Variants in OIT3 observed in about 807,000 individuals in gnomAD.
The protein encoded by OIT3 is oncoprotein induced transcript 3, also known as oncoprotein-induced transcript 3 protein.
Under a neutral mutation model 52.2 loss-of-function variants are expected in OIT3, and 41 were observed. The ratio of observed to expected loss-of-function variants is 0.79; its 90% confidence interval spans 0.61 to 1.02. The LOEUF (loss-of-function observed/expected upper bound fraction) is 1.02, where lower values mean the gene tolerates loss of function less well. OIT3 is among the 50% of genes least tolerant of loss of function. The pLI is 0.00. For synonymous variants in OIT3, 244 were observed against 276.9 expected, an observed-to-expected ratio of 0.88 and a Z score of 1.18; for missense variants, 634 against 715.5, an observed-to-expected ratio of 0.89 and a Z score of 1.30.
chr10:72,913,405 A>T lies in OIT3; in HGVS notation c.888A>T (p.Gly296=). Residue 296 remains glycine (G), a synonymous_variant, in exon 6 of 9, where the codon GGA becomes GGT. Transcript: ENST00000334011. The part of the protein sequence containing the change: ...ELFLTNTSCR[G]VSNGTHVNIL... The stretch of plus-strand genomic sequence containing the variant: ...TCCTGACCAACACCTCCTGCCGAGG[A>T]GTGTCCAACGGCACCCATGTCAACA... The T allele has an allele frequency of 6.2e-7, 1 of 1,613,536 alleles. No individual in the cohort carries two copies. The highest frequency in any genetic ancestry group is 8.5e-7 in the Non-Finnish European group (1 of 1,179,552).
chr10:72,900,650 T>C (rs1284794715), intron 3 of OIT3, among the ~76,000 whole-genome samples, 166 bp downstream of exon 3: 1 of 152,168 alleles, frequency 6.6e-6, no homozygotes, highest in Non-Finnish European at 1.5e-5. Flanking sequence ...ACGCCAAATT[T>C]GTATCATGAT....
chr10:72,904,123 G>C (rs1017876872), intron 3 of OIT3, among the ~76,000 whole-genome samples: 3 of 152,136 alleles, frequency 2.0e-5, no homozygotes, highest in Non-Finnish European at 2.9e-5. Flanking sequence ...GTCCTGTTCT[G>C]TTCTGTTCTG....
intron 6 of OIT3, among the ~76,000 whole-genome samples, chr10:72,923,256 G>T (rs1020205580): frequency 6.6e-6 from 1 of 152,152 alleles, no homozygotes; most frequent in African/African-American, 2.4e-5. Flanking sequence ...CCAGTCCCTA[G>T]TCACCTCAGA....
intron 7 of OIT3, among the ~76,000 whole-genome samples, chr10:72,928,366 C>T (rs750033151): frequency 2.6e-5 from 4 of 152,160 alleles, no homozygotes; most frequent in Admixed American, 6.5e-5. Context: ...ATTCGGTGCT[C>T]GGAACTAGCA....
At chr10:72,918,289 C>G in intron 6 of OIT3, 1 of 777,662 alleles carries the variant, frequency 1.3e-6, no homozygotes, top group East Asian at 2.4e-5. Flanking sequence ...GTTGGCTATA[C>G]AGACATTTTC....
At chr10:72,925,978 C>T (rs556822508) in intron 7 of OIT3, among the ~76,000 whole-genome samples, 16 of 152,318 alleles carry the variant, frequency 1.1e-4, no homozygotes, top group South Asian at 1.0e-3. Flanking sequence ...CTGTAGGTGT[C>T]CTGAGGTACT....
At position 72,924,402 on chromosome 10, in the gene OIT3, C is replaced by G. The variant is rs1434995232; in HGVS notation, c.1125C>G (p.Ser375=). The G allele has an allele frequency of 6.2e-7, 1 of 1,614,104 alleles. No homozygotes were observed. Among genetic ancestry groups the G allele is most frequent in the Non-Finnish European group, 8.5e-7 (1 of 1,179,982 alleles). ...SEGYVPNLRN[S]PLEIMSRNHG... ...GATACGTTCCCAACCTTCGAAACTCCCCACTGGAAATCATGAGCCGAAATC... is the reference window on the plus strand; with the variant it reads ...GATACGTTCCCAACCTTCGAAACTCGCCACTGGAAATCATGAGCCGAAATC... Residue 375 remains serine (S), a synonymous_variant, in exon 7 of 9, where the codon TCC becomes TCG. Coordinates refer to ENST00000334011, the MANE Select transcript of OIT3 (RefSeq NM_152635.3).
intron 6 of OIT3, among the ~76,000 whole-genome samples, chr10:72,920,058 C>T (rs1846108385): frequency 6.6e-6 from 1 of 152,138 alleles, no homozygotes; most frequent in Admixed American, 6.5e-5. Flanking sequence ...TAGAATTCAG[C>T]TGTGAATCTG....
chr10:72,929,524 C>T (rs1346470476), intron 7 of OIT3, among the ~76,000 whole-genome samples: 1 of 152,024 alleles, frequency 6.6e-6, no homozygotes, highest in Non-Finnish European at 1.5e-5. Flanking sequence ...TATCATCGTG[C>T]CTCAGCCTCC....
In OIT3 at chr10:72,899,002, A is replaced by T; in HGVS notation, c.400A>T (p.Thr134Ser). ...CPGGYYVYRL[T>S]KPSVCFHVYC... ...TGGAGGCTACTATGTGTATCGTCTG[A>T]CCAAGCCCAGCGTCTGCTTCCACGT... The change falls in exon 2 of 9, where the codon ACC becomes TCC. Residue 134 changes from threonine to serine, a missense_variant. Physicochemically the swap from Thr to Ser is moderately conservative, Grantham distance 58 (BLOSUM62 1). Transcript: ENST00000334011. The T allele has an allele frequency of 6.2e-7, 1 of 1,612,652 alleles. No individual in the cohort carries two copies. The highest frequency in any genetic ancestry group is 8.5e-7 in the Non-Finnish European group (1 of 1,178,868).
intron 4 of OIT3, 100 bp downstream of exon 4, chr10:72,906,818 A>G: frequency 4.3e-6 from 5 of 1,164,780 alleles, no homozygotes; most frequent in Non-Finnish European, 5.9e-6. Flanking sequence ...GAAGAGAGCA[A>G]CCGTTTGGCT....
chr10:72,908,910 C>CT lies in OIT3; in HGVS notation c.667+2201dup, dbSNP rs201578701. Among the ~76,000 whole-genome samples, 166 of 146,096 alleles carry CT rather than the reference C, an allele frequency of 1.1e-3. No homozygotes were observed. In the East Asian group the frequency reaches 0.015, roughly 13 times the overall value. On this transcript the variant is annotated intron_variant, in intron 4 of 8. Transcript: ENST00000334011. The stretch of plus-strand genomic sequence containing the variant: ...CTAAGCTATTTGATAATTATATGTT[C>CT]TTTTTTTTTAAAAAAAAGGCCCTTT...
In OIT3 at chr10:72,932,372, C is replaced by A. The variant is rs372988225; in HGVS notation, c.1486C>A (p.Arg496=). 2.5e-6 allele frequency: 4 copies of A among 1,614,186 alleles called. No homozygotes were observed. Among genetic ancestry groups the A allele is most frequent in the Non-Finnish European group, 2.5e-6 (3 of 1,180,032 alleles). The change falls in exon 9 of 9, where the codon CGG becomes AGG. Residue 496 remains arginine (R), a synonymous_variant. Coordinates refer to ENST00000334011, the MANE Select transcript of OIT3 (RefSeq NM_152635.3). ...TCTTCAGGAAGTGTTTCTGCACTGC[C>A]GGGTTCTTGTCTGTGGAGTGTTGGA... ...KDHKEVFLHC[R]VLVCGVLDER...
At chr10:72,907,817 ATAAC>A (rs1845993788) in intron 4 of OIT3, among the ~76,000 whole-genome samples, 1 of 152,226 alleles carries the variant, frequency 6.6e-6, no homozygotes, top group Non-Finnish European at 1.5e-5. Context: ...ATACATTTAT[ATAAC>A]TAATAAAAAA....
chr10:72,925,529 T>C lies in OIT3; in HGVS notation c.1367+885T>C, dbSNP rs111599100. Among the ~76,000 whole-genome samples the C allele has an allele frequency of 7.5e-4, 114 of 152,274 alleles. 1 individual carries two copies. In the Middle Eastern group the frequency reaches 0.014, roughly 18 times the overall value. On this transcript the variant is annotated intron_variant, in intron 7 of 8. Transcript: ENST00000334011. ...AACATAAATTCCTCTTTTAAGAAGT[T>C]TGGTAGTCAAGGACAGAGAAGAAAT...
At chr10:72,900,542 ACT>A in intron 3 of OIT3, 58 bp downstream of exon 3, 1 of 882,114 alleles carries the variant, frequency 1.1e-6, no homozygotes, top group Non-Finnish European at 1.8e-6. Flanking sequence ...CAAATCAAAA[ACT>A]CTTCCTGCCT....
At chr10:72,918,631 T>C in intron 6 of OIT3, 1 of 671,606 alleles carries the variant, frequency 1.5e-6, no homozygotes, top group Non-Finnish European at 2.7e-6. Context: ...CACACCAGGG[T>C]ACACTTAAGT....
chr10:72,907,209 G>A (rs1029804471), intron 4 of OIT3, among the ~76,000 whole-genome samples: 7 of 152,012 alleles, frequency 4.6e-5, no homozygotes, highest in Admixed American at 4.6e-4. Flanking sequence ...AGAGTTTGAG[G>A]CTGCATTAAG....
At chr10:72,917,965 C>G in intron 6 of OIT3, 1 of 858,946 alleles carries the variant, frequency 1.2e-6, no homozygotes, top group Non-Finnish European at 2.0e-6. Flanking sequence ...TTTTCTTCAG[C>G]TTCCTCATTA....
Sources: allele counts gnomAD v4.1 joint callset (sites outside exome capture counted in the v4.1 genomes callset), GRCh38; gene constraint gnomAD v4.1.1; transcripts MANE v1.5; gene names NCBI Gene and HGNC (gene_info 2026-07-23, HGNC 2026-07-21).